The following DHX15 variants were observed in gnomAD, a reference collection of about 807,000 sequenced individuals.
The protein encoded by DHX15 is ATP-dependent RNA helicase DHX15.
In DHX15, 11 loss-of-function variants were observed where a neutral mutation model predicts 94.4. The ratio of observed to expected loss-of-function variants is 0.12; its 90% confidence interval spans 0.07 to 0.19. The LOEUF (loss-of-function observed/expected upper bound fraction) is 0.19, where lower values mean the gene tolerates loss of function less well. Among genes scored for constraint, DHX15 ranks in the 10% least tolerant of loss-of-function variants. The pLI is 1.00. For synonymous variants in DHX15, 338 were observed against 329.9 expected, an observed-to-expected ratio of 1.02 and a Z score of -0.27; for missense variants, 304 against 988.5, an observed-to-expected ratio of 0.31 and a Z score of 9.29.
At chr4:24,547,897 G>GTATATATATATATATATA (rs869284515) in intron 6 of DHX15, among the ~76,000 whole-genome samples, 1 of 55,770 alleles carries the variant, frequency 1.8e-5, no homozygotes. Context: ...CTCTATGTAT[G>GTATATATATATATATATA]TATGTGTATA....
chr4:24,540,551 A>G (rs1721287641), intron 9 of DHX15, among the ~76,000 whole-genome samples: 1 of 152,036 alleles, frequency 6.6e-6, no homozygotes, highest in Non-Finnish European at 1.5e-5. Flanking sequence ...GTGTTTATCA[A>G]ACTGTTTTTC....
chr4:24,561,494 G>C (rs1232012398), intron 3 of DHX15, among the ~76,000 whole-genome samples: 4 of 152,086 alleles, frequency 2.6e-5, no homozygotes, highest in Non-Finnish European at 4.4e-5. Context: ...TAATGACACA[G>C]GCCTGTGTAT....
intron 11 of DHX15, among the ~76,000 whole-genome samples, chr4:24,536,785 T>C (rs1721207975): frequency 6.6e-6 from 1 of 152,236 alleles, no homozygotes; most frequent in Non-Finnish European, 1.5e-5. Context: ...ATGTTAGTGA[T>C]ACATGTTATA....
At chr4:24,545,833 A>C (rs1721410649) in intron 6 of DHX15, among the ~76,000 whole-genome samples, 1 of 152,234 alleles carries the variant, frequency 6.6e-6, no homozygotes, top group Admixed American at 6.5e-5. Context: ...CATGCTTTCT[A>C]GACTGCAACA....
Position 24,570,482 on chromosome 4 carries a change from T to G in DHX15, c.701+172A>C, listed in dbSNP as rs148408087. ...AACTTCAATTTCTACCAAGTAACTA[T>G]AGATTACCAATAATATATAATTAAA... On this transcript the variant is annotated intron_variant, in intron 3 of 13. Coordinates refer to ENST00000336812, the MANE Select transcript of DHX15 (RefSeq NM_001358.3). Among the ~76,000 whole-genome samples, 546 of 152,266 alleles carry G rather than the reference T, an allele frequency of 3.6e-3. 2 individuals are homozygous for G. The highest frequency in any genetic ancestry group is 0.012 in the African/African-American group (518 of 41,556).
intron 5 of DHX15, among the ~76,000 whole-genome samples, chr4:24,550,104 A>AAAAAAAAAAG (rs1721557776): frequency 7.8e-6 from 1 of 128,568 alleles, no homozygotes; most frequent in Non-Finnish European, 1.8e-5. Context: ...CAAAAAAAAA[A>AAAAAAAAAAG]AAAAAAAAAA....
chr4:24,580,077 A>G (rs1300661856), intron 1 of DHX15, among the ~76,000 whole-genome samples: 1 of 152,084 alleles, frequency 6.6e-6, no homozygotes, highest in Non-Finnish European at 1.5e-5. Flanking sequence ...ATTGGTTATT[A>G]TTAAAGATCT....
intron 6 of DHX15, among the ~76,000 whole-genome samples, chr4:24,547,497 A>C (rs1721449895): frequency 6.6e-6 from 1 of 152,222 alleles, no homozygotes. Context: ...CATATATCTC[A>C]AAGAAGAACT....
chr4:24,558,847 C>T (rs1447174369), intron 3 of DHX15, among the ~76,000 whole-genome samples: 1 of 152,084 alleles, frequency 6.6e-6, no homozygotes, highest in African/African-American at 2.4e-5. Context: ...ACTCTCAAAA[C>T]CAGTTACTAA....
Position 24,528,026 on chromosome 4 carries a change from G to A in DHX15, c.2286C>T (p.Ala762=). The part of the protein sequence containing the change: ...DIKPEWLVKI[A]PQYYDMSNFP... ...AATTGCTCATGTCATAATATTGAGG[G>A]GCAATTTTCACCAACCTGTTTAGAA... The change falls in exon 14 of 14, where the codon GCC becomes GCT. Residue 762 remains alanine (A), a synonymous_variant. Transcript: ENST00000336812. The A allele has an allele frequency of 6.2e-7, 1 of 1,613,268 alleles. No homozygotes were observed. Among genetic ancestry groups the A allele is most frequent in the East Asian group, 2.2e-5 (1 of 44,836 alleles).
In DHX15 at chr4:24,542,402, C is replaced by T. The variant is rs192482173; in HGVS notation, c.1336-380G>A. Among the ~76,000 whole-genome samples, 204 of 152,248 alleles carry T rather than the reference C, an allele frequency of 1.3e-3. 2 individuals carry two copies. The highest frequency in any genetic ancestry group is 6.8e-3 in the Middle Eastern group (2 of 294). ...CGGTCTGAGTACTATTACTCTGTTA[C>T]TGTTTAATGAAAAAATTTCCATCAA... On this transcript the variant is annotated intron_variant, in intron 7 of 13. Coordinates refer to ENST00000336812, the MANE Select transcript of DHX15 (RefSeq NM_001358.3).
intron 9 of DHX15, among the ~76,000 whole-genome samples, 192 bp downstream of exon 9, chr4:24,540,648 A>G (rs1721290503): frequency 2.0e-5 from 1 of 49,612 alleles, no homozygotes; most frequent in Non-Finnish European, 5.8e-5. Context: ...CTTTTGAAGA[A>G]AAAAAAAAAA....
intron 11 of DHX15, among the ~76,000 whole-genome samples, chr4:24,534,810 C>T (rs144076274): frequency 2.1e-4 from 32 of 152,170 alleles, no homozygotes; most frequent in African/African-American, 7.5e-4. Context: ...ATCTGAAACA[C>T]GCTTTTTTCA....
At position 24,584,446 on chromosome 4, in the gene DHX15, G is replaced by A. The variant is rs1722561194; in HGVS notation, c.-53C>T. The A allele has an allele frequency of 1.3e-6, 2 of 1,560,762 alleles. No homozygotes were observed. The highest frequency in any genetic ancestry group is 1.7e-6 in the Non-Finnish European group (2 of 1,144,870). ...TAAGGAAGAAAGCTGGCTGCTGTAT[G>A]GGCACAGTCGAGGACAGCCACTTAA... On this transcript the variant is annotated 5_prime_UTR_variant, in exon 1 of 14. Coordinates refer to ENST00000336812, the MANE Select transcript of DHX15 (RefSeq NM_001358.3).
intron 6 of DHX15, among the ~76,000 whole-genome samples, 151 bp downstream of exon 6, chr4:24,548,702 AAG>A (rs1721516929): frequency 6.6e-6 from 1 of 152,246 alleles, no homozygotes; most frequent in South Asian, 2.1e-4. Context: ...CTTTAGGGTC[AAG>A]AGATATGCGG....
intron 2 of DHX15, among the ~76,000 whole-genome samples, chr4:24,574,205 C>CAAAAAAAAAAAAAAAAAAAAAAAAAAA (rs61031930): frequency 4.4e-5 from 3 of 68,872 alleles, no homozygotes; most frequent in East Asian, 3.6e-4. Context: ...GACTTTGTCT[C>CAAAAAAAAAAAAAAAAAAAAAAAAAAA]AAAAAAAAAA....
At chr4:24,534,032 C>T (rs1242163590) in intron 11 of DHX15, 1 of 152,084 alleles carries the variant, frequency 6.6e-6, no homozygotes, top group Non-Finnish European at 1.5e-5. Flanking sequence ...CATTTTTATC[C>T]ATTACAAAAT....
At chr4:24,528,999 A>C (rs1465363588) in intron 13 of DHX15, among the ~76,000 whole-genome samples, 1 of 96,258 alleles carries the variant, frequency 1.0e-5, no homozygotes, top group Admixed American at 1.1e-4. Context: ...AAACTCTAAA[A>C]ATTAAAAAAA....
At chr4:24,563,774 T>C (rs1315734804) in intron 3 of DHX15, among the ~76,000 whole-genome samples, 6 of 151,818 alleles carry the variant, frequency 4.0e-5, no homozygotes. Context: ...TTTCAAAAAG[T>C]ATGAGGCAAG....
Sources: gnomAD v4.1 joint callset for allele counts (sites outside exome capture counted in the v4.1 genomes callset) on GRCh38, gnomAD v4.1.1 for gene constraint, MANE v1.5 for transcripts, NCBI Gene and HGNC (gene_info 2026-07-23, HGNC 2026-07-21) for gene names.